The following SMARCA4 variants were observed in gnomAD, a reference collection of about 807,000 sequenced individuals.
SMARCA4 encodes the protein SWI/SNF-related matrix-associated actin-dependent regulator of chromatin subfamily A member 4.
A neutral mutation model predicts 193.9 loss-of-function variants in SMARCA4; 31 were observed. The ratio of observed to expected loss-of-function variants is 0.16; its 90% CI spans 0.12 to 0.22. SMARCA4 has a LOEUF of 0.22. Among genes scored for constraint, SMARCA4 ranks in the 10% least tolerant of loss-of-function variants. The probability of loss-of-function intolerance (pLI) is 1.00; values close to 1 mark genes in which losing one functional copy is unlikely to be tolerated. For synonymous variants in SMARCA4, 942 were observed against 933.1 expected (o/e 1.01, Z -0.17); for missense variants, 1,148 against 2,296.0 (o/e 0.50, Z 10.22).
intron 1 of SMARCA4, among the ~76,000 whole-genome samples, chr19:10,976,786 G>A (rs547461629): frequency 6.7e-6 from 1 of 149,916 alleles, no homozygotes; most frequent in South Asian, 2.1e-4. Flanking sequence ...CGGGCGTGGT[G>A]CCTCTCATCT....
At chr19:11,043,163 T>A (rs905013502) in intron 30 of SMARCA4, among the ~76,000 whole-genome samples, 1 of 151,990 alleles carries the variant, frequency 6.6e-6, no homozygotes, top group African/African-American at 2.4e-5. Flanking sequence ...TAGTGGTGCA[T>A]GCCTGTAATC....
At position 11,041,480 on chromosome 19, in the gene SMARCA4, C is replaced by A. The variant is rs200087760; in HGVS notation, c.4344C>A (p.Ala1448=). The A allele has an allele frequency of 6.2e-7, 1 of 1,613,712 alleles. No homozygotes were observed. Among genetic ancestry groups the A allele is most frequent in the Non-Finnish European group, 8.5e-7 (1 of 1,179,970 alleles). Residue 1448 remains alanine, a synonymous_variant, in exon 30 of 35, where the codon GCC becomes GCA. Coordinates refer to ENST00000344626, the MANE Select transcript of SMARCA4 (RefSeq NM_003072.5). The surrounding 1 kb of genome is among the most constrained non-coding windows in gnomAD (Gnocchi z 5.6). Reference sequence around the variant, plus strand: ...AGAAGAAGCGCGGGCGGCCGCCTGCCGAGAAACTCTCCCCTAACCCACCCA... The same window carrying A: ...AGAAGAAGCGCGGGCGGCCGCCTGCAGAGAAACTCTCCCCTAACCCACCCA... ...KKQKKRGRPP[A]EKLSPNPPNL... is the part of the protein sequence containing the mutation.
chr19:11,021,442 T>G (rs1199158105), intron 18 of SMARCA4: 2 of 543,798 alleles, frequency 3.7e-6, no homozygotes, highest in African/African-American at 3.7e-5. Context: ...ATATGTGTGA[T>G]TTTGCAGGGA....
intron 30 of SMARCA4, among the ~76,000 whole-genome samples, chr19:11,054,126 G>A (rs893605192): frequency 1.3e-5 from 2 of 152,212 alleles, no homozygotes; most frequent in Non-Finnish European, 2.9e-5. Flanking sequence ...CACCACTCAC[G>A]CTGGCTCAGT....
Position 10,985,284 on chromosome 19 carries a change from C to A in SMARCA4, c.234C>A (p.Ser78=), listed in dbSNP as rs1568419701. 4 of 1,613,980 alleles carry A rather than the reference C, an allele frequency of 2.5e-6. No homozygotes were observed. In the Admixed American group the frequency reaches 5.0e-5, roughly 20 times the overall value. Residue 78 remains serine, a synonymous_variant, in exon 3 of 35, where the codon TCC becomes TCA. Coordinates refer to ENST00000344626, the MANE Select transcript of SMARCA4 (RefSeq NM_003072.5). The surrounding 1 kb of genome is among the most constrained non-coding windows in gnomAD (Gnocchi z 4.5). The stretch of plus-strand genomic sequence containing the variant: ...GGTCCCTCTCGCAGCCCATGGAGTC[C>A]ATGCATGAGAAGGGCATGTCGGACG... ...NMHQMHKPME[S]MHEKGMSDDP...
At chr19:10,961,631 T>G (rs2145360966) in intron 1 of SMARCA4, 1 of 152,322 alleles carries the variant, frequency 6.6e-6, no homozygotes, top group South Asian at 2.1e-4. Flanking sequence ...AACCTCCAGA[T>G]ATGTCCGGCG....
At position 11,034,894 on chromosome 19, in the gene SMARCA4, G is replaced by C. The variant is rs369464237; in HGVS notation, c.3952-20G>C. On this transcript the variant is annotated intron_variant, in intron 28 of 34. Transcript: ENST00000344626. The surrounding 1 kb of genome is among the most constrained non-coding windows in gnomAD (Gnocchi z 7.0). ...GTGCCTGCATGCTGATGCCTCTCCC[G>C]TTGCCTCCCTGCCCACCAGCGCATG... is the stretch of plus-strand genomic sequence containing the variant. 1 of 1,533,598 alleles carries C rather than the reference G, an allele frequency of 6.5e-7. No individual in the cohort carries two copies. Among genetic ancestry groups the C allele is most frequent in the South Asian group, 1.2e-5 (1 of 83,866 alleles). 95.0% of individuals were successfully genotyped at this position (1,533,598 alleles called of 1,614,324 possible). A position where few individuals can be genotyped will look rare whatever the true frequency, so the allele number is the denominator to read the frequency against.
At chr19:10,967,744 G>A (rs2084345218) in intron 1 of SMARCA4, among the ~76,000 whole-genome samples, 1 of 149,662 alleles carries the variant, frequency 6.7e-6, no homozygotes, top group Non-Finnish European at 1.5e-5. Context: ...GAGTGCAGCG[G>A]TGTGATCTCG....
rs554398423 is a variant in SMARCA4 at position 11,033,691 on chromosome 19, G to T, written c.3775-76G>T. On this transcript the variant is annotated intron_variant, in intron 26 of 34. Transcript: ENST00000344626. The surrounding 1 kb of genome is among the most constrained non-coding windows in gnomAD (Gnocchi z 9.8). The stretch of plus-strand genomic sequence containing the variant: ...GAGTACTTGCTTTTTCTTTGAAGTG[G>T]TTTTTTTTTCTAAACTGCTGGTGAA... The T allele has an allele frequency of 4.1e-5, 32 of 775,158 alleles. No homozygotes were observed. In the East Asian group the frequency reaches 6.4e-4, roughly 15 times the overall value. 48.0% of individuals were successfully genotyped at this position (775,158 alleles called of 1,614,324 possible).
At chr19:11,013,857 G>A (rs1468519381) in intron 16 of SMARCA4, among the ~76,000 whole-genome samples, 1 of 152,130 alleles carries the variant, frequency 6.6e-6, no homozygotes, top group African/African-American at 2.4e-5. Context: ...CACCCTGAGA[G>A]GCTCTCACTT....
In SMARCA4 at chr19:10,984,864, C is replaced by G. The variant is rs1446814140; in HGVS notation, c.223-409C>G. On this transcript the variant is annotated intron_variant, in intron 2 of 34. Transcript: ENST00000344626. The surrounding 1 kb of genome is among the most constrained non-coding windows in gnomAD (Gnocchi z 4.3). Reference sequence around the variant, plus strand: ...TTCAGTCAGCAAGGTGGAGAAGGCTCTTTATGGTCACAAGTCTCTTTTGCA... The same window carrying G: ...TTCAGTCAGCAAGGTGGAGAAGGCTGTTTATGGTCACAAGTCTCTTTTGCA... Among the ~76,000 whole-genome samples the G allele has an allele frequency of 6.6e-6, 1 of 152,148 alleles. No homozygotes were observed. The highest frequency in any genetic ancestry group is 1.5e-5 in the Non-Finnish European group (1 of 68,022).
At chr19:11,000,329 G>A (rs879604192) in intron 11 of SMARCA4, among the ~76,000 whole-genome samples, 2 of 151,896 alleles carry the variant, frequency 1.3e-5, no homozygotes, top group African/African-American at 2.4e-5. Context: ...TTGAGCCCAG[G>A]AGTTCGAAAC....
intron 30 of SMARCA4, among the ~76,000 whole-genome samples, chr19:11,049,089 C>T (rs2076111192): frequency 6.6e-6 from 1 of 152,228 alleles, no homozygotes; most frequent in East Asian, 1.9e-4. Flanking sequence ...CTTGTGGTGG[C>T]TCCAGTGGGA....
chr19:11,046,000 G>A (rs986676569), intron 30 of SMARCA4, among the ~76,000 whole-genome samples: 1 of 152,152 alleles, frequency 6.6e-6, no homozygotes, highest in East Asian at 1.9e-4. Flanking sequence ...GAGGCGAGCG[G>A]ATCACAAGGC....
intron 13 of SMARCA4, among the ~76,000 whole-genome samples, chr19:11,006,030 A>G (rs981490604): frequency 6.6e-6 from 1 of 152,180 alleles, no homozygotes; most frequent in Non-Finnish European, 1.5e-5. Flanking sequence ...TGTTATTACC[A>G]CCTGTTTATT....
intron 34 of SMARCA4, among the ~76,000 whole-genome samples, chr19:11,061,494 G>A (rs188429223): frequency 1.3e-5 from 2 of 152,108 alleles, no homozygotes; most frequent in East Asian, 1.9e-4. Context: ...TCCTGCCTCA[G>A]CCTCCCAAGT....
At chr19:11,047,564 A>G (rs2146928191) in intron 30 of SMARCA4, 1 of 152,014 alleles carries the variant, frequency 6.6e-6, no homozygotes, top group Admixed American at 6.6e-5. Context: ...TCGCGCCACC[A>G]CGCCTGGCTA....
Position 11,020,000 on chromosome 19 carries a change from A to G in SMARCA4, c.2616+299A>G, listed in dbSNP as rs1600261688. On this transcript the variant is annotated intron_variant, in intron 18 of 34. Transcript: ENST00000344626. This position sits in a 1 kb window ranked among gnomAD's most constrained non-coding sequence, Gnocchi z 6.1. ...AGCCTCAGCACCAAGGCGTCTCCTG[A>G]CCCGCCTACAGAGTCCCCATGGGGC... Among the ~76,000 whole-genome samples, 1 of 152,072 alleles carries G rather than the reference A, an allele frequency of 6.6e-6. No individual in the cohort carries two copies. Among genetic ancestry groups the G allele is most frequent in the African/African-American group, 2.4e-5 (1 of 41,408 alleles).
At position 11,006,895 on chromosome 19, in the gene SMARCA4, G is replaced by A. The variant is rs183436141; in HGVS notation, c.2002-1007G>A. Among the ~76,000 whole-genome samples the A allele has an allele frequency of 7.3e-3, 1,108 of 151,938 alleles. 5 individuals carry two copies. The highest frequency in any genetic ancestry group is 0.016 in the South Asian group (75 of 4,804). ...AGCTCAGGAGTTTGAGACCAGCCTGGGCAACATAGTGAGTCCCTGTCTCTA... is the reference window on the plus strand; with the variant it reads ...AGCTCAGGAGTTTGAGACCAGCCTGAGCAACATAGTGAGTCCCTGTCTCTA... On this transcript the variant is annotated intron_variant, in intron 13 of 34. Coordinates refer to ENST00000344626, the MANE Select transcript of SMARCA4 (RefSeq NM_003072.5).
Sources: allele counts gnomAD v4.1 joint callset (sites outside exome capture counted in the v4.1 genomes callset), GRCh38; gene constraint gnomAD v4.1.1; non-coding constraint Gnocchi (gnomAD v3.1); transcripts MANE v1.5; gene names NCBI Gene and HGNC (gene_info 2026-07-23, HGNC 2026-07-21).